The following MRTFA variants were observed in gnomAD, a reference collection of about 807,000 sequenced individuals.
The protein encoded by MRTFA is myocardin-related transcription factor A.
A neutral mutation model predicts 83.5 loss-of-function variants in MRTFA; 20 were observed. The ratio of observed to expected loss-of-function variants is 0.24; its 90% CI spans 0.17 to 0.35. MRTFA has a LOEUF of 0.35. Ranked by LOEUF, MRTFA falls within the 10% of genes least tolerant of loss-of-function variation. MRTFA has a pLI of 1.00. For synonymous variants in MRTFA, 659 were observed against 541.2 expected, an observed-to-expected ratio of 1.22 and a Z score of -3.02; for missense variants, 1,200 against 1,224.7, an observed-to-expected ratio of 0.98 and a Z score of 0.30.
At chr22:40,423,850 G>A (rs1331430224) in intron 8 of MRTFA, among the ~76,000 whole-genome samples, 165 bp from the exon 9 acceptor site, 1 of 152,132 alleles carries the variant, frequency 6.6e-6, no homozygotes, top group Non-Finnish European at 1.5e-5. Flanking sequence ...CAGGAGCAAG[G>A]AGGAGCTAGG....
chr22:40,495,376 T>C (rs1277743497), intron 3 of MRTFA, among the ~76,000 whole-genome samples: 1 of 142,898 alleles, frequency 7.0e-6, no homozygotes, highest in African/African-American at 2.6e-5. Flanking sequence ...CACTTGAACC[T>C]GGGAGGTGGA....
intron 4 of MRTFA, among the ~76,000 whole-genome samples, chr22:40,436,545 T>G (rs1370887781): frequency 5.9e-5 from 9 of 152,134 alleles, no homozygotes; most frequent in Admixed American, 5.9e-4. Flanking sequence ...AGACCACAAG[T>G]CTCGACTTCT....
At chr22:40,546,560 G>A (rs1216352281) in intron 3 of MRTFA, among the ~76,000 whole-genome samples, 1 of 152,216 alleles carries the variant, frequency 6.6e-6, no homozygotes, top group Non-Finnish European at 1.5e-5. Flanking sequence ...TGTGGCAATG[G>A]CAGTTTCTGA....
At chr22:40,424,511 C>A in intron 7 of MRTFA, 130 bp from the exon 8 acceptor site, 1 of 944,938 alleles carries the variant, frequency 1.1e-6, no homozygotes, top group Non-Finnish European at 1.6e-6. Flanking sequence ...GCAGGCAAGC[C>A]GAGGAGACTA....
At position 40,439,267 on chromosome 22, in the gene MRTFA, C is replaced by G. The variant is rs1328859388; in HGVS notation, c.308-3713G>C. On this transcript the variant is annotated intron_variant, in intron 4 of 14. Transcript: ENST00000355630. ...CCTGTAATCCTAGCACTTTGGGAGG[C>G]TGAGGCAGGTCTATCACCTGAGGTC... Among the ~76,000 whole-genome samples the G allele has an allele frequency of 3.3e-5, 5 of 152,208 alleles. No homozygotes were observed. In the East Asian group the frequency reaches 9.6e-4, roughly 29 times the overall value.
chr22:40,550,038 G>C (rs997899851), intron 3 of MRTFA, among the ~76,000 whole-genome samples: 11 of 120,136 alleles, frequency 9.2e-5, no homozygotes, highest in Non-Finnish European at 1.5e-4. Flanking sequence ...AACAGAGTGA[G>C]ACTCTGTTGC....
At chr22:40,545,940 TG>T (rs2055359600) in intron 3 of MRTFA, among the ~76,000 whole-genome samples, 1 of 151,930 alleles carries the variant, frequency 6.6e-6, no homozygotes, top group Admixed American at 6.6e-5. Context: ...TTGGCCAGGC[TG>T]GTCTTGAGCT....
intron 3 of MRTFA, among the ~76,000 whole-genome samples, chr22:40,508,513 CAAAAAAAAA>C (rs1175724448): frequency 5.8e-4 from 15 of 26,066 alleles, no homozygotes; most frequent in Admixed American, 3.1e-3. Context: ...CTCCGTCTCT[CAAAAAAAAA>C]AAAAAAAAAA....
chr22:40,590,575 G>A (rs1219759780), intron 2 of MRTFA, among the ~76,000 whole-genome samples: 3 of 150,912 alleles, frequency 2.0e-5, no homozygotes, highest in Admixed American at 6.6e-5. Flanking sequence ...GCTGAGGCAC[G>A]AGAATTGCTT....
intron 2 of MRTFA, among the ~76,000 whole-genome samples, chr22:40,563,504 A>G (rs973580043): frequency 6.1e-5 from 6 of 98,256 alleles, no homozygotes; most frequent in East Asian, 7.3e-4. Flanking sequence ...ACAGATACAG[A>G]AAAAAAAAAA....
rs1240942526 is a variant in MRTFA, at chr22:40,411,139, A to T, written c.*251T>A. On this transcript the variant is annotated 3_prime_UTR_variant, in exon 15 of 15. Coordinates refer to ENST00000355630, the MANE Select transcript of MRTFA (RefSeq NM_020831.6). The stretch of plus-strand genomic sequence containing the variant: ...AGGAGGTCAAGCTGAAATGGCCCTG[A>T]CCCTGACCGTGTGTCCAAAACCCCA... 1.3e-5 allele frequency: 5 copies of T among 393,488 alleles called. No individual in the cohort carries two copies. Among genetic ancestry groups the T allele is most frequent in the Non-Finnish European group, 1.8e-5 (4 of 221,156 alleles). The allele number at this position is 393,488 out of a possible 1,614,324, so 24.4% of individuals were successfully genotyped here. A position where few individuals can be genotyped will look rare whatever the true frequency, so the allele number is the denominator to read the frequency against.
chr22:40,590,685 A>G (rs2056107247), intron 2 of MRTFA, among the ~76,000 whole-genome samples: 1 of 151,654 alleles, frequency 6.6e-6, no homozygotes. Context: ...AAAAAGAAAA[A>G]AAAAAAAAAA....
Position 40,552,234 on chromosome 22 carries a change from G to A in MRTFA, c.113C>T (p.Ala38Val), listed in dbSNP as rs938787852. Residue 38 changes from alanine (A) to valine (V), a missense_variant, in exon 3 of 15, where the codon GCG (alanine) becomes GTG (valine). Ala to Val is a moderately conservative substitution (Grantham distance 64). Around this residue, in one of 2 missense-constraint regions of MRTFA, gnomAD observed 93 missense variants for 182.9 expected, o/e 0.51. Coordinates refer to ENST00000355630, the MANE Select transcript of MRTFA (RefSeq NM_020831.6). ...AGCTTCACTCTGGGGACTGGGTGCC[G>A]CAGATAAGGACACGAGCACTGGTTC... 7 of 398,910 alleles carry A rather than the reference G, an allele frequency of 1.8e-5. No homozygotes were observed. Among genetic ancestry groups the A allele is most frequent in the South Asian group, 2.5e-4 (2 of 7,854 alleles). The allele number at this position is 398,910 out of a possible 1,614,324, so 24.7% of individuals were successfully genotyped here.
In MRTFA at chr22:40,489,971, C is replaced by A. The variant is rs1415834408; in HGVS notation, c.242-26685G>T. Among the ~76,000 whole-genome samples, 276 of 105,726 alleles carry A rather than the reference C, an allele frequency of 2.6e-3. 1 individual carries two copies. The highest frequency in any genetic ancestry group is 3.6e-3 in the South Asian group (11 of 3,046). The allele number at this position is 105,726 out of a possible 152,430, so 69.4% of individuals were successfully genotyped here. On this transcript the variant is annotated intron_variant, in intron 3 of 14. Transcript: ENST00000355630. ...TGGGAGACAAAGCATGACTCTGTCG[C>A]AAAAAAAAAAAAAAAAATCAGAAAA...
intron 3 of MRTFA, among the ~76,000 whole-genome samples, chr22:40,530,894 A>G (rs891598668): frequency 6.6e-5 from 10 of 152,244 alleles, no homozygotes; most frequent in Non-Finnish European, 1.5e-4. Flanking sequence ...ATCTTGATTT[A>G]AAAGCTTATA....
chr22:40,411,728 TCTCCAGGAAGTC>T lies in MRTFA; in HGVS notation c.2746_2757del (p.Asp916_Glu919del). The stretch of plus-strand genomic sequence containing the variant: ...GTCAGCAGGGGCAGCCCCGTGCTGC[TCTCCAGGAAGTC>T]CTCCAGGCGTCCAGGGAGGGAGGGT... On this transcript the variant is annotated inframe_deletion, in exon 15 of 15. Transcript: ENST00000355630. The T allele has an allele frequency of 6.4e-7, 1 of 1,560,532 alleles. No individual in the cohort carries two copies. The highest frequency in any genetic ancestry group is 8.7e-7 in the Non-Finnish European group (1 of 1,147,320).
Position 40,429,517 on chromosome 22 carries a change from A to C in MRTFA, c.601+89T>G. 4 of 1,485,020 alleles carry C rather than the reference A, an allele frequency of 2.7e-6. No homozygotes were observed. The South Asian group carries it at 4.7e-5, about 17-fold the overall frequency. 92.0% of individuals were successfully genotyped at this position (1,485,020 alleles called of 1,614,324 possible). A position where few individuals can be genotyped will look rare whatever the true frequency, so the allele number is the denominator to read the frequency against. On this transcript the variant is annotated intron_variant, in intron 7 of 14. Coordinates refer to ENST00000355630, the MANE Select transcript of MRTFA (RefSeq NM_020831.6). ...GGAAGTCAAAGATTAAGAAGTCAAG[A>C]GCCTCAGCCCAATTCTGCTTCAGCC... is the stretch of plus-strand genomic sequence containing the variant.
chr22:40,419,350 G>A lies in MRTFA; in HGVS notation c.1388C>T (p.Ser463Leu). ...AGTTTTGGTGCCCGAGACAGGCAGT[G>A]ATCGCAACTTCAGCTCCTGCTTCAG... Residue 463 changes from serine (S) to leucine (L), a missense_variant, in exon 12 of 15, where the codon TCA (serine) becomes TTA (leucine). By Grantham distance (145) the Ser-to-Leu change is moderately radical (BLOSUM62 -2). This residue lies in a region of MRTFA where 1,107 missense variants were observed against 1,041.8 expected (regional missense o/e 1.06). Transcript: ENST00000355630. 6.2e-7 allele frequency: 1 copy of A among 1,613,904 alleles called. No homozygotes were observed. Among genetic ancestry groups the A allele is most frequent in the South Asian group, 1.1e-5 (1 of 91,084 alleles).
chr22:40,449,469 C>T (rs1461573932), intron 4 of MRTFA, among the ~76,000 whole-genome samples: 1 of 152,056 alleles, frequency 6.6e-6, no homozygotes, highest in African/African-American at 2.4e-5. Context: ...GTTCAAGAAT[C>T]ATTTGCATGA....
Sources: allele counts gnomAD v4.1 joint callset (sites outside exome capture counted in the v4.1 genomes callset), GRCh38; gene constraint gnomAD v4.1.1; regional missense constraint gnomAD v4.1.1; transcripts MANE v1.5; gene names NCBI Gene and HGNC (gene_info 2026-07-23, HGNC 2026-07-21).